The following MAPK4 variants were observed in gnomAD, a reference collection of about 807,000 sequenced individuals.
MAPK4 encodes mitogen-activated protein kinase 4, also known as Erk3-related.
Under a neutral mutation model 47.7 loss-of-function variants are expected in MAPK4, and 22 were observed. The ratio of observed to expected loss-of-function variants is 0.46; its 90% CI spans 0.33 to 0.66. The LOEUF (loss-of-function observed/expected upper bound fraction) is 0.66, where lower values mean the gene tolerates loss of function less well. Ranked by LOEUF, MAPK4 falls within the 30% of genes least tolerant of loss-of-function variation. The pLI is 0.02. For synonymous variants in MAPK4, 390 were observed against 365.7 expected (o/e 1.07, Z -0.76); for missense variants, 736 against 831.7 (o/e 0.88, Z 1.42).
intron 1 of MAPK4, among the ~76,000 whole-genome samples, chr18:50,612,519 T>G (rs1296486616): frequency 1.3e-5 from 2 of 152,202 alleles, no homozygotes; most frequent in Non-Finnish European, 2.9e-5. Context: ...GAACAAGAGC[T>G]GTATATTTAT....
intron 1 of MAPK4, among the ~76,000 whole-genome samples, chr18:50,631,219 T>C (rs1180449031): frequency 6.6e-6 from 1 of 152,158 alleles, no homozygotes. Flanking sequence ...TTTTTGTTGA[T>C]GGTGATATTG....
intron 1 of MAPK4, among the ~76,000 whole-genome samples, chr18:50,587,389 C>T (rs936059356): frequency 6.6e-6 from 1 of 152,134 alleles, no homozygotes; most frequent in Non-Finnish European, 1.5e-5. Flanking sequence ...TCCCAGCCTC[C>T]AAAACGGTTA....
At chr18:50,608,962 A>G (rs1219123189) in intron 1 of MAPK4, among the ~76,000 whole-genome samples, 1 of 151,946 alleles carries the variant, frequency 6.6e-6, no homozygotes, top group African/African-American at 2.4e-5. Context: ...TGTTTAACGA[A>G]GCACATCTTG....
intron 1 of MAPK4, among the ~76,000 whole-genome samples, chr18:50,586,238 G>C (rs1024501361): frequency 2.0e-5 from 3 of 152,166 alleles, no homozygotes; most frequent in African/African-American, 7.2e-5. Context: ...ATTGACATTA[G>C]TTTGTCAAAG....
chr18:50,584,381 G>T (rs1167851582), intron 1 of MAPK4, among the ~76,000 whole-genome samples: 1 of 152,084 alleles, frequency 6.6e-6, no homozygotes, highest in Non-Finnish European at 1.5e-5. Flanking sequence ...CATGAGGCTG[G>T]ATGAACTGCG....
chr18:50,712,842 C>T (rs1910450043), intron 2 of MAPK4, among the ~76,000 whole-genome samples: 1 of 152,208 alleles, frequency 6.6e-6, no homozygotes, highest in Non-Finnish European at 1.5e-5. Context: ...TTTTCCCTGA[C>T]AATCTCACCC....
chr18:50,686,724 C>T (rs1908901145), intron 2 of MAPK4, among the ~76,000 whole-genome samples: 1 of 152,204 alleles, frequency 6.6e-6, no homozygotes, highest in South Asian at 2.1e-4. Flanking sequence ...CGGTTATTTA[C>T]CCTTGTGGTA....
chr18:50,678,688 G>T lies in MAPK4; in HGVS notation c.546+14184G>T, dbSNP rs1908413153. 6.6e-6 allele frequency among the ~76,000 whole-genome samples: 1 copy of T among 152,094 alleles called. No individual in the cohort carries two copies. Among genetic ancestry groups the T allele is most frequent in the South Asian group, 2.1e-4 (1 of 4,820 alleles). ...AAATATATAAAATGAACAGGCCTTG[G>T]TCCCACAGCTGCCCCCACACTCTTA... is the stretch of plus-strand genomic sequence containing the variant. On this transcript the variant is annotated intron_variant, in intron 2 of 5. Transcript: ENST00000400384. This position sits in a 1 kb window ranked among gnomAD's most constrained non-coding sequence, Gnocchi z 4.2.
intron 4 of MAPK4, 87 bp from the exon 5 acceptor site, chr18:50,725,875 G>A: frequency 9.2e-7 from 1 of 1,089,052 alleles, no homozygotes; most frequent in Non-Finnish European, 1.4e-6. Context: ...ACAGACACCA[G>A]CACAGAATGT....
At chr18:50,600,548 G>A (rs748752391) in intron 1 of MAPK4, among the ~76,000 whole-genome samples, 2 of 152,100 alleles carry the variant, frequency 1.3e-5, no homozygotes, top group Non-Finnish European at 2.9e-5. Context: ...GCATAGCCAT[G>A]ACCATCAGAG....
intron 1 of MAPK4, among the ~76,000 whole-genome samples, chr18:50,575,971 A>G (rs2042293516): frequency 6.6e-6 from 1 of 152,206 alleles, no homozygotes; most frequent in Admixed American, 6.5e-5. Flanking sequence ...CAGAATGGCT[A>G]TTATTAAAAA....
At chr18:50,676,349 C>T (rs1056147731) in intron 2 of MAPK4, among the ~76,000 whole-genome samples, 1 of 152,322 alleles carries the variant, frequency 6.6e-6, no homozygotes, top group African/African-American at 2.4e-5. Flanking sequence ...AAGGCCTAGC[C>T]ACTAGACACG....
At chr18:50,565,378 G>T (rs11878165) in intron 1 of MAPK4, among the ~76,000 whole-genome samples, 2 of 152,060 alleles carry the variant, frequency 1.3e-5, no homozygotes, top group Non-Finnish European at 2.9e-5. Context: ...TTGTAAACGA[G>T]GTTGGTCAGT....
intron 1 of MAPK4, among the ~76,000 whole-genome samples, chr18:50,565,928 G>A (rs1347915663): frequency 6.6e-6 from 1 of 152,188 alleles, no homozygotes; most frequent in Non-Finnish European, 1.5e-5. Context: ...AGTGATGTAT[G>A]ACTGTATGAC....
At chr18:50,712,976 C>A (rs556827398) in intron 2 of MAPK4, among the ~76,000 whole-genome samples, 4 of 152,188 alleles carry the variant, frequency 2.6e-5, no homozygotes, top group Non-Finnish European at 5.9e-5. Context: ...TAACAGCCTA[C>A]TGTACACACA....
At chr18:50,611,904 T>C (rs1199280144) in intron 1 of MAPK4, among the ~76,000 whole-genome samples, 3 of 152,138 alleles carry the variant, frequency 2.0e-5, no homozygotes, top group African/African-American at 4.8e-5. Context: ...GTTCTTTACA[T>C]AGAGCCCTCA....
chr18:50,565,481 A>C (rs2149355712), intron 1 of MAPK4, among the ~76,000 whole-genome samples: 1 of 152,302 alleles, frequency 6.6e-6, no homozygotes, highest in African/African-American at 2.4e-5. Flanking sequence ...CGTTGATTCA[A>C]ACTTTTCTTT....
At chr18:50,597,209 A>G (rs2042489917) in intron 1 of MAPK4, among the ~76,000 whole-genome samples, 4 of 152,202 alleles carry the variant, frequency 2.6e-5, no homozygotes, top group Admixed American at 2.6e-4. Flanking sequence ...ATTTTTCTTT[A>G]CTAACCTTTA....
At chr18:50,643,173 C>G (rs543687172) in intron 1 of MAPK4, among the ~76,000 whole-genome samples, 2 of 152,154 alleles carry the variant, frequency 1.3e-5, no homozygotes, top group Non-Finnish European at 2.9e-5. Context: ...GATTGATTCT[C>G]GAAGTTGAAA....
Sources: gnomAD v4.1 joint callset for allele counts (sites outside exome capture counted in the v4.1 genomes callset) on GRCh38, gnomAD v4.1.1 for gene constraint, Gnocchi (gnomAD v3.1) non-coding constraint, MANE v1.5 for transcripts, NCBI Gene and HGNC (gene_info 2026-07-23, HGNC 2026-07-21) for gene names.